The following KCNQ2 variants were observed in gnomAD, a reference collection of about 807,000 sequenced individuals.
KCNQ2 encodes potassium voltage-gated channel subfamily KQT member 2.
Under a neutral mutation model 84.8 loss-of-function variants are expected in KCNQ2, and 14 were observed. That is an observed-to-expected ratio of 0.17 (90% CI 0.11 to 0.26). The LOEUF (loss-of-function observed/expected upper bound fraction) is 0.26, where lower values mean the gene tolerates loss of function less well. KCNQ2 is among the 10% of genes least tolerant of loss of function. The probability of loss-of-function intolerance (pLI) is 1.00; values close to 1 mark genes in which losing one functional copy is unlikely to be tolerated. For missense variants in KCNQ2, 788 were observed against 1,254.0 expected (o/e 0.63, Z 5.61); for synonymous variants, 599 against 554.1 (o/e 1.08, Z -1.14).
intron 4 of KCNQ2, among the ~76,000 whole-genome samples, chr20:63,443,078 C>T (rs1290716786): frequency 1.7e-4 from 13 of 76,956 alleles, no homozygotes; most frequent in African/African-American, 6.0e-4. Context: ...ATTATCACCA[C>T]CACCACCATT....
At chr20:63,420,125 G>A (rs925658105) in intron 11 of KCNQ2, among the ~76,000 whole-genome samples, 3 of 152,344 alleles carry the variant, frequency 2.0e-5, no homozygotes, top group African/African-American at 4.8e-5. Context: ...AATCGGCGAC[G>A]TTTGGCCATG....
chr20:63,431,787 C>G (rs1430613417), intron 8 of KCNQ2, among the ~76,000 whole-genome samples: 1 of 152,186 alleles, frequency 6.6e-6, no homozygotes, highest in Non-Finnish European at 1.5e-5. Flanking sequence ...ACTCAGGATC[C>G]TCAAGAAGAA....
chr20:63,402,643 A>G lies in KCNQ2; in HGVS notation c.*4001T>C, dbSNP rs1224973237. 6.6e-6 allele frequency: 1 copy of G among 152,142 alleles called. No individual in the cohort carries two copies. The highest frequency in any genetic ancestry group is 1.9e-4 in the East Asian group (1 of 5,186). 9.4% of individuals were successfully genotyped at this position (152,142 alleles called of 1,614,324 possible). Reference sequence around the variant, plus strand: ...CAGCCCCGAAGGGGGCAAACATTAAACCACACGCCCTGGCTGTGCCTCTCC... The same window carrying G: ...CAGCCCCGAAGGGGGCAAACATTAAGCCACACGCCCTGGCTGTGCCTCTCC... On this transcript the variant is annotated 3_prime_UTR_variant, in exon 17 of 17. Transcript: ENST00000359125.
rs1362117440 is a variant in KCNQ2, at chr20:63,414,857, C to T, written c.1525+46G>A. ...GGCCACAGTAGCGTGGCCACCACATCCATCCCCGGAGAGGATGGACCAGGA... is the reference window on the plus strand; with the variant it reads ...GGCCACAGTAGCGTGGCCACCACATTCATCCCCGGAGAGGATGGACCAGGA... On this transcript the variant is annotated intron_variant, in intron 13 of 16. Coordinates refer to ENST00000359125, the MANE Select transcript of KCNQ2 (RefSeq NM_172107.4). The surrounding 1 kb of genome is among the most constrained non-coding windows in gnomAD (Gnocchi z 6.6). 2 of 1,590,212 alleles carry T rather than the reference C, an allele frequency of 1.3e-6. No homozygotes were observed. The highest frequency in any genetic ancestry group is 1.7e-6 in the Non-Finnish European group (2 of 1,161,316).
At chr20:63,469,378 G>A (rs968270883) in intron 1 of KCNQ2, among the ~76,000 whole-genome samples, 4 of 152,210 alleles carry the variant, frequency 2.6e-5, no homozygotes, top group African/African-American at 9.6e-5. Context: ...CAGGCAGTGC[G>A]AGCAGAGGCC....
At position 63,424,064 on chromosome 20, in the gene KCNQ2, G is replaced by C. The variant is rs6089910; in HGVS notation, c.1247+113C>G. ...GACCCGCAGTCACACAGTCACACAC[G>C]GAAGCACACACAAGGCCCTCACATC... is the stretch of plus-strand genomic sequence containing the variant. On this transcript the variant is annotated intron_variant, in intron 11 of 16. Coordinates refer to ENST00000359125, the MANE Select transcript of KCNQ2 (RefSeq NM_172107.4). The C allele has an allele frequency of 4.1e-6, 5 of 1,209,554 alleles. No homozygotes were observed. In the Admixed American group the frequency reaches 8.0e-5, roughly 19 times the overall value. 74.9% of individuals were successfully genotyped at this position (1,209,554 alleles called of 1,614,324 possible).
Position 63,472,443 on chromosome 20 carries a change from G to A in KCNQ2, c.21C>T (p.Asn7=), listed in dbSNP as rs866451706. MVQKSR[N]GGVYPGPSGE... ...CGCTCGGGCCGGGGTATACGCCGCC[G>A]TTGCGCGACTTCTGCACCATGGTGC... is the stretch of plus-strand genomic sequence containing the variant. Residue 7 remains asparagine, a synonymous_variant, in exon 1 of 17, where the codon AAC becomes AAT. Coordinates refer to ENST00000359125, the MANE Select transcript of KCNQ2 (RefSeq NM_172107.4). 2.0e-6 allele frequency: 3 copies of A among 1,532,974 alleles called. No homozygotes were observed. Among genetic ancestry groups the A allele is most frequent in the African/African-American group, 1.4e-5 (1 of 70,472 alleles). The allele number at this position is 1,532,974 out of a possible 1,614,324, so 95.0% of individuals were successfully genotyped here. A position where few individuals can be genotyped will look rare whatever the true frequency, so the allele number is the denominator to read the frequency against.
chr20:63,464,858 T>C (rs2082043228), intron 1 of KCNQ2, among the ~76,000 whole-genome samples: 1 of 152,114 alleles, frequency 6.6e-6, no homozygotes, highest in Admixed American at 6.5e-5. Flanking sequence ...CCCCTGTCCT[T>C]GGCAGGGGCG....
chr20:63,447,006 C>T (rs1285556906), intron 1 of KCNQ2, among the ~76,000 whole-genome samples, 169 bp from the exon 2 acceptor site: 5 of 151,730 alleles, frequency 3.3e-5, no homozygotes, highest in Non-Finnish European at 4.4e-5. Flanking sequence ...AGAGCTCGCT[C>T]GGGCCAGAGG....
intron 1 of KCNQ2, among the ~76,000 whole-genome samples, chr20:63,454,775 G>A (rs540296790): frequency 1.1e-4 from 16 of 152,238 alleles, no homozygotes; most frequent in Admixed American, 2.6e-4. Flanking sequence ...CCCAGGCCTC[G>A]GGAGAGGAGG....
Position 63,446,895 on chromosome 20 carries a change from T to C in KCNQ2, c.297-58A>G, listed in dbSNP as rs899134872. The C allele has an allele frequency of 6.8e-7, 1 of 1,477,154 alleles. No homozygotes were observed. The highest frequency in any genetic ancestry group is 9.5e-7 in the Non-Finnish European group (1 of 1,056,374). The allele number at this position is 1,477,154 out of a possible 1,614,324, so 91.5% of individuals were successfully genotyped here. A position where few individuals can be genotyped will look rare whatever the true frequency, so the allele number is the denominator to read the frequency against. On this transcript the variant is annotated intron_variant, in intron 1 of 16. Transcript: ENST00000359125. This position sits in a 1 kb window ranked among gnomAD's most constrained non-coding sequence, Gnocchi z 5.5. ...CCGCAGCAGGGCAGCAGCATGGCTG[T>C]GTCTCCAGAACTCAGGACCCCACTC... is the stretch of plus-strand genomic sequence containing the variant.
intron 8 of KCNQ2, chr20:63,433,584 A>T (rs1373128704): frequency 2.2e-5 from 18 of 821,868 alleles, no homozygotes; most frequent in Middle Eastern, 7.4e-4. Flanking sequence ...CCAGGACGAT[A>T]AAGCAAAGGG....
At chr20:63,466,284 C>T (rs2082079869) in intron 1 of KCNQ2, 1 of 151,038 alleles carries the variant, frequency 6.6e-6, no homozygotes, top group Non-Finnish European at 1.5e-5. Flanking sequence ...CCACGACCCC[C>T]GCAGGCTTCC....
intron 4 of KCNQ2, among the ~76,000 whole-genome samples, chr20:63,443,088 TATCACCACCATCACC>T (rs2081274026): frequency 9.6e-5 from 1 of 10,426 alleles, no homozygotes; most frequent in Admixed American, 7.7e-4. Flanking sequence ...CCACCACCAT[TATCACCACCATCACC>T]ATCACCACCA....
chr20:63,443,007 T>C (rs1240755995), intron 4 of KCNQ2, among the ~76,000 whole-genome samples: 42 of 26,478 alleles, frequency 1.6e-3, no homozygotes, highest in East Asian at 3.2e-3. Context: ...ATCACCACCA[T>C]CACCATCACC....
intron 15 of KCNQ2, chr20:63,411,917 A>G (rs2080131668): frequency 1.4e-6 from 1 of 712,822 alleles, no homozygotes; most frequent in Admixed American, 2.0e-5. Context: ...ACACCGGCGA[A>G]ACGCATCGTA....
chr20:63,472,283 C>A lies in KCNQ2; in HGVS notation c.181G>T (p.Gly61Cys). 1.3e-6 allele frequency: 2 copies of A among 1,537,434 alleles called. No homozygotes were observed. Among genetic ancestry groups the A allele is most frequent in the Non-Finnish European group, 1.8e-6 (2 of 1,142,078 alleles). ...GSILSKPRAG[G>C]AGAGKPPKRN... ...TTGGGGGGCTTCCCGGCGCCCGCGC[C>A]GCCCGCGCGAGGTTTGCTGAGGATG... is the stretch of plus-strand genomic sequence containing the variant. Residue 61 changes from glycine (G) to cysteine (C), a missense_variant, in exon 1 of 17, where the codon GGC becomes TGC. Physicochemically the swap from Gly to Cys is radical, Grantham distance 159 (BLOSUM62 -3). This residue lies in a region of KCNQ2 where 106 missense variants were observed against 214.8 expected (regional missense o/e 0.49). Transcript: ENST00000359125.
chr20:63,457,676 T>C (rs993644308), intron 1 of KCNQ2, among the ~76,000 whole-genome samples: 3 of 152,148 alleles, frequency 2.0e-5, no homozygotes, highest in Non-Finnish European at 4.4e-5. Flanking sequence ...CACCTGCACG[T>C]TGCTCCCTAA....
chr20:63,431,506 G>A, intron 8 of KCNQ2, 137 bp from the exon 9 acceptor site: 1 of 969,636 alleles, frequency 1.0e-6, no homozygotes, highest in Non-Finnish European at 1.6e-6. Flanking sequence ...CACAAGGGCT[G>A]GTTCTGTCCC....
Sources: allele counts gnomAD v4.1 joint callset (sites outside exome capture counted in the v4.1 genomes callset), GRCh38; gene constraint gnomAD v4.1.1; regional missense constraint gnomAD v4.1.1; non-coding constraint Gnocchi (gnomAD v3.1); transcripts MANE v1.5; gene names NCBI Gene and HGNC (gene_info 2026-07-23, HGNC 2026-07-21).